Variants in KCTD16 observed in about 807,000 individuals in gnomAD.
KCTD16 encodes BTB/POZ domain-containing protein KCTD16.
KCTD16 carries 13 observed loss-of-function variants against 33.2 expected under a neutral mutation model. The ratio of observed to expected loss-of-function variants is 0.39; its 90% CI spans 0.25 to 0.62. The LOEUF is 0.62. Ranked by LOEUF, KCTD16 falls within the 20% of genes least tolerant of loss-of-function variation. KCTD16 has a pLI of 0.50. For synonymous variants in KCTD16, 197 were observed against 195.3 expected, an observed-to-expected ratio of 1.01 and a Z score of -0.07; for missense variants, 441 against 525.1, an observed-to-expected ratio of 0.84 and a Z score of 1.57.
chr5:144,421,418 T>C (rs995994005), intron 3 of KCTD16, among the ~76,000 whole-genome samples: 1 of 152,118 alleles, frequency 6.6e-6, no homozygotes, highest in Non-Finnish European at 1.5e-5. Flanking sequence ...CATGGGTTGA[T>C]TTATAAAGGA....
intron 2 of KCTD16, among the ~76,000 whole-genome samples, chr5:144,183,277 A>G (rs961620696): frequency 3.3e-5 from 5 of 152,180 alleles, no homozygotes; most frequent in Admixed American, 2.6e-4. Context: ...GTTCTTCCCT[A>G]TAAAAACATG....
intron 3 of KCTD16, among the ~76,000 whole-genome samples, chr5:144,361,892 A>C (rs1751721251): frequency 7.0e-6 from 1 of 142,192 alleles, no homozygotes. Flanking sequence ...TGTTGTTATG[A>C]GGCTGGTGTT....
chr5:144,316,653 T>C (rs1398136765), intron 3 of KCTD16, among the ~76,000 whole-genome samples: 3 of 150,812 alleles, frequency 2.0e-5, no homozygotes, highest in Non-Finnish European at 4.4e-5. Flanking sequence ...GCTGGGATTA[T>C]AGGTGCCTGC....
chr5:144,392,281 CTA>C (rs1250386278), intron 3 of KCTD16, among the ~76,000 whole-genome samples: 1 of 152,042 alleles, frequency 6.6e-6, no homozygotes, highest in Non-Finnish European at 1.5e-5. Context: ...GCCAATGTGG[CTA>C]TGAGTGAGGT....
intron 2 of KCTD16, among the ~76,000 whole-genome samples, chr5:144,200,886 A>C (rs1014606711): frequency 6.6e-6 from 1 of 152,146 alleles, no homozygotes; most frequent in Non-Finnish European, 1.5e-5. Flanking sequence ...ATAGGAATGC[A>C]CCACCACACC....
intron 3 of KCTD16, among the ~76,000 whole-genome samples, chr5:144,402,443 G>A (rs1752724931): frequency 6.6e-6 from 1 of 152,130 alleles, no homozygotes; most frequent in Non-Finnish European, 1.5e-5. Context: ...CTACCTCACT[G>A]CAGATGGGTG....
rs146638360 is a variant in KCTD16, at chr5:144,304,977, CTTTTTTTT to C, written c.832+97448_832+97455del. Among the ~76,000 whole-genome samples the C allele has an allele frequency of 4.8e-5, 4 of 83,414 alleles. No homozygotes were observed. In the East Asian group the frequency reaches 1.3e-3, roughly 28 times the overall value. The allele number at this position is 83,414 out of a possible 152,430, so 54.7% of individuals were successfully genotyped here. ...TCGAAGCCACTGAGAATATCAAAAT[CTTTTTTTT>C]TTTTTTTTTTTTTTTTCTGAGTTGG... On this transcript the variant is annotated intron_variant, in intron 3 of 3. Coordinates refer to ENST00000512467, the MANE Select transcript of KCTD16 (RefSeq NM_020768.4).
intron 3 of KCTD16, among the ~76,000 whole-genome samples, chr5:144,293,935 G>A (rs1755964966): frequency 6.6e-6 from 1 of 152,106 alleles, no homozygotes; most frequent in South Asian, 2.1e-4. Context: ...CAAGGCAGGT[G>A]GATCACAAGG....
At chr5:144,324,368 T>C (rs971079935) in intron 3 of KCTD16, among the ~76,000 whole-genome samples, 1 of 152,090 alleles carries the variant, frequency 6.6e-6, no homozygotes, top group Non-Finnish European at 1.5e-5. Context: ...ACTATCTTTG[T>C]CTGTGAGATA....
At chr5:144,472,888 G>A (rs1399644031) in intron 3 of KCTD16, among the ~76,000 whole-genome samples, 1 of 152,166 alleles carries the variant, frequency 6.6e-6, no homozygotes, top group East Asian at 1.9e-4. Flanking sequence ...TTACTAACAA[G>A]GATACTGAAT....
chr5:144,425,800 C>T (rs1269981206), intron 3 of KCTD16, among the ~76,000 whole-genome samples: 2 of 152,042 alleles, frequency 1.3e-5, no homozygotes, highest in Non-Finnish European at 2.9e-5. Flanking sequence ...GGGCCCATCA[C>T]CTGAAACTAT....
chr5:144,234,900 A>G (rs1754206482), intron 3 of KCTD16, among the ~76,000 whole-genome samples: 1 of 152,112 alleles, frequency 6.6e-6, no homozygotes, highest in South Asian at 2.1e-4. Flanking sequence ...AGATGGGCCA[A>G]AAACCAATCT....
At position 144,485,624 on chromosome 5, in the gene KCTD16, T is replaced by G. The variant is rs560301277; in HGVS notation, c.*11510T>G. 3.3e-5 allele frequency: 5 copies of G among 152,090 alleles called. No homozygotes were observed. The highest frequency in any genetic ancestry group is 3.4e-3 in the Middle Eastern group (1 of 294). 9.4% of individuals were successfully genotyped at this position (152,090 alleles called of 1,614,324 possible). A position where few individuals can be genotyped will look rare whatever the true frequency, so the allele number is the denominator to read the frequency against. ...AGGTAACTATTTTTATGTGTTTCCA[T>G]AAATGACTCCATTTCATATGCATTG... On this transcript the variant is annotated 3_prime_UTR_variant, in exon 4 of 4. Transcript: ENST00000512467.
At chr5:144,459,166 G>T (rs1158102102) in intron 3 of KCTD16, among the ~76,000 whole-genome samples, 1 of 152,050 alleles carries the variant, frequency 6.6e-6, no homozygotes, top group African/African-American at 2.4e-5. Context: ...CATTTTATTG[G>T]GATGGCTAAT....
rs117104816 is a variant in KCTD16, at chr5:144,383,909, A to G, written c.833-89751A>G. On this transcript the variant is annotated intron_variant, in intron 3 of 3. Coordinates refer to ENST00000512467, the MANE Select transcript of KCTD16 (RefSeq NM_020768.4). ...GTTAAAAACCAATATTATAAAAAATACGTAAGAATCTATTCATTAAAAATG... is the reference window on the plus strand; with the variant it reads ...GTTAAAAACCAATATTATAAAAAATGCGTAAGAATCTATTCATTAAAAATG... Among the ~76,000 whole-genome samples, 77 of 152,340 alleles carry G rather than the reference A, an allele frequency of 5.1e-4. 1 individual carries two copies. The East Asian group carries it at 0.014, about 27-fold the overall frequency.
At chr5:144,353,844 G>C (rs1751504487) in intron 3 of KCTD16, among the ~76,000 whole-genome samples, 2 of 151,894 alleles carry the variant, frequency 1.3e-5, no homozygotes, top group African/African-American at 4.8e-5. Context: ...ATCGCAAAAA[G>C]GGGTTTAAAA....
chr5:144,193,046 A>G (rs1249800136), intron 2 of KCTD16, among the ~76,000 whole-genome samples: 1 of 152,070 alleles, frequency 6.6e-6, no homozygotes, highest in Non-Finnish European at 1.5e-5. Flanking sequence ...GTACCCCCAA[A>G]ATCCTTGCTA....
intron 3 of KCTD16, among the ~76,000 whole-genome samples, chr5:144,217,487 C>G (rs557837719): frequency 6.6e-6 from 1 of 152,156 alleles, no homozygotes; most frequent in Non-Finnish European, 1.5e-5. Context: ...AGATGCTCCT[C>G]TGGGACAGAG....
At chr5:144,339,038 C>T (rs916707975) in intron 3 of KCTD16, among the ~76,000 whole-genome samples, 9 of 133,680 alleles carry the variant, frequency 6.7e-5, no homozygotes, top group African/African-American at 2.8e-4. Flanking sequence ...CAGAGAAATG[C>T]TTTGACACAT....
Sources: allele counts gnomAD v4.1 joint callset (sites outside exome capture counted in the v4.1 genomes callset), GRCh38; gene constraint gnomAD v4.1.1; transcripts MANE v1.5; gene names NCBI Gene and HGNC (gene_info 2026-07-23, HGNC 2026-07-21).